The following CNTNAP3B variants were observed in gnomAD, a reference collection of about 807,000 sequenced individuals.
The protein encoded by CNTNAP3B is contactin-associated protein-like 3B.
CNTNAP3B carries 25 observed loss-of-function variants against 108.9 expected under a neutral mutation model. The observed-to-expected ratio is 0.23, with a 90% CI of 0.17 to 0.32. The LOEUF is 0.32. Ranked by LOEUF, CNTNAP3B falls within the 10% of genes least tolerant of loss-of-function variation. The pLI is 1.00. For missense variants in CNTNAP3B, 252 were observed against 1,210.4 expected (o/e 0.21, Z 11.75); for synonymous variants, 103 against 473.4 (o/e 0.22, Z 10.16).
intron 15 of CNTNAP3B, among the ~76,000 whole-genome samples, chr9:41,925,130 C>G (rs1031560836): frequency 4.0e-5 from 6 of 151,440 alleles, no homozygotes; most frequent in African/African-American, 1.5e-4. Flanking sequence ...ATTTTTGACA[C>G]TTTAAGGTTA....
chr9:41,995,613 C>T (rs1825881369), intron 7 of CNTNAP3B, among the ~76,000 whole-genome samples: 1 of 128,994 alleles, frequency 7.8e-6, no homozygotes. Flanking sequence ...CACCTGTAGT[C>T]CCAGGTACTC....
At chr9:41,951,852 G>A (rs1216531460) in intron 13 of CNTNAP3B, among the ~76,000 whole-genome samples, 2 of 152,202 alleles carry the variant, frequency 1.3e-5, no homozygotes, top group African/African-American at 2.4e-5. Context: ...TGAGGCGGGC[G>A]GATCACCTGA....
chr9:42,021,969 C>CT (rs1826318003), intron 3 of CNTNAP3B, among the ~76,000 whole-genome samples: 11 of 117,390 alleles, frequency 9.4e-5, no homozygotes, highest in Non-Finnish European at 1.7e-5. Flanking sequence ...TGGGCTTAGG[C>CT]AAGCCAACCG....
chr9:42,099,135 T>C (rs1409987689), intron 2 of CNTNAP3B, among the ~76,000 whole-genome samples: 2 of 127,750 alleles, frequency 1.6e-5, no homozygotes, highest in Admixed American at 7.8e-5. Context: ...ACTCAGAAAA[T>C]TGAGAAAAAA....
At chr9:42,069,130 G>GT (rs946655120) in intron 3 of CNTNAP3B, among the ~76,000 whole-genome samples, 3 of 81,638 alleles carry the variant, frequency 3.7e-5, no homozygotes, top group Non-Finnish European at 7.0e-5. Context: ...CAAAAAAATG[G>GT]TTTTTTTCAA....
At chr9:42,122,203 ATTG>A (rs1828477818) in intron 1 of CNTNAP3B, among the ~76,000 whole-genome samples, 1 of 139,768 alleles carries the variant, frequency 7.2e-6, no homozygotes, top group Non-Finnish European at 1.5e-5. Context: ...AGAATAACAA[ATTG>A]TTATTTTCTA....
At chr9:41,997,777 T>G (rs1825931873) in intron 5 of CNTNAP3B, 25 bp from the exon 6 acceptor site, 1 of 1,375,466 alleles carries the variant, frequency 7.3e-7, no homozygotes, top group African/African-American at 1.8e-5. Context: ...AAAAAAACAG[T>G]TATTTCTGTT....
At chr9:42,060,085 C>A (rs1186254767) in intron 3 of CNTNAP3B, among the ~76,000 whole-genome samples, 4 of 147,028 alleles carry the variant, frequency 2.7e-5, no homozygotes, top group Admixed American at 6.7e-5. Flanking sequence ...TGATAGTGGG[C>A]ATCCTTGTCT....
chr9:41,934,162 C>G (rs1338980312), intron 14 of CNTNAP3B, among the ~76,000 whole-genome samples: 1 of 138,134 alleles, frequency 7.2e-6, no homozygotes, highest in African/African-American at 2.7e-5. Flanking sequence ...TATATACACA[C>G]ACACACATAT....
chr9:41,925,570 G>A (rs1344450610), intron 15 of CNTNAP3B, among the ~76,000 whole-genome samples: 17 of 152,068 alleles, frequency 1.1e-4, no homozygotes, highest in African/African-American at 2.7e-4. Flanking sequence ...TCCAGCCTGC[G>A]CAACAGAGCG....
At chr9:42,119,727 G>T (rs1828414936) in intron 1 of CNTNAP3B, among the ~76,000 whole-genome samples, 1 of 139,796 alleles carries the variant, frequency 7.2e-6, no homozygotes, top group Non-Finnish European at 1.5e-5. Flanking sequence ...AATGGGGAAA[G>T]GATTCCCTAT....
intron 2 of CNTNAP3B, among the ~76,000 whole-genome samples, chr9:42,094,091 A>T (rs915685306): frequency 7.3e-6 from 1 of 137,602 alleles, no homozygotes; most frequent in Non-Finnish European, 1.5e-5. Flanking sequence ...GCTTATCCCT[A>T]ATCACTAAGG....
chr9:41,943,787 C>A (rs1242721273), intron 13 of CNTNAP3B, among the ~76,000 whole-genome samples: 1 of 152,248 alleles, frequency 6.6e-6, no homozygotes, highest in East Asian at 1.9e-4. Flanking sequence ...TAATGACAGA[C>A]ATGAAACCAT....
At chr9:41,932,353 G>C in intron 14 of CNTNAP3B, among the ~76,000 whole-genome samples, 1 of 151,978 alleles carries the variant, frequency 6.6e-6, no homozygotes, top group South Asian at 2.1e-4. Flanking sequence ...AAATTCCTAC[G>C]GTTCTGGAAA....
At chr9:41,934,887 T>C (rs1824107841) in intron 14 of CNTNAP3B, among the ~76,000 whole-genome samples, 1 of 152,300 alleles carries the variant, frequency 6.6e-6, no homozygotes, top group Non-Finnish European at 1.5e-5. Flanking sequence ...TTATGCTTTT[T>C]ATTTGTGGTT....
intron 3 of CNTNAP3B, among the ~76,000 whole-genome samples, chr9:42,076,445 A>C (rs908113502): frequency 3.1e-5 from 4 of 128,634 alleles, no homozygotes; most frequent in African/African-American, 9.5e-5. Context: ...AAAAAAAAAA[A>C]CAAGAAAAAC....
intron 3 of CNTNAP3B, among the ~76,000 whole-genome samples, chr9:42,051,978 T>C (rs1209167735): frequency 6.6e-6 from 1 of 151,408 alleles, no homozygotes; most frequent in Non-Finnish European, 1.5e-5. Context: ...AAGAATGACA[T>C]GGTGTCTTTA....
At chr9:41,931,288 T>C (rs985805041) in intron 14 of CNTNAP3B, among the ~76,000 whole-genome samples, 2 of 152,208 alleles carry the variant, frequency 1.3e-5, no homozygotes, top group Non-Finnish European at 2.9e-5. Flanking sequence ...GTAATTGGGA[T>C]ATCCATCACT....
chr9:42,089,746 T>G (rs1180840058), intron 2 of CNTNAP3B, among the ~76,000 whole-genome samples: 1 of 146,284 alleles, frequency 6.8e-6, no homozygotes, highest in African/African-American at 2.6e-5. Flanking sequence ...ATATGAGGAG[T>G]GGAGGGAAAA....
Sources: gnomAD v4.1 joint callset for allele counts (sites outside exome capture counted in the v4.1 genomes callset) on GRCh38, gnomAD v4.1.1 for gene constraint, MANE v1.5 for transcripts, NCBI Gene and HGNC (gene_info 2026-07-23, HGNC 2026-07-21) for gene names.